DCAF6: variants seen among roughly 807,000 people sequenced by gnomAD.
The protein encoded by DCAF6 is DDB1- and CUL4-associated factor 6.
In DCAF6, 54 loss-of-function variants were observed where a neutral mutation model predicts 125.1. The ratio of observed to expected loss-of-function variants is 0.43; its 90% CI spans 0.35 to 0.54. DCAF6 has a LOEUF of 0.54. Ranked by LOEUF, DCAF6 falls within the 20% of genes least tolerant of loss-of-function variation. The pLI, the probability that DCAF6 is intolerant of heterozygous loss-of-function variation, is 0.01. For missense variants in DCAF6, 934 were observed against 1,161.7 expected (o/e 0.80, Z 2.85); for synonymous variants, 371 against 390.4 (o/e 0.95, Z 0.58).
intron 4 of DCAF6, among the ~76,000 whole-genome samples, chr1:167,983,645 C>T (rs114380644): frequency 0.011 from 1,727 of 152,290 alleles, 38 homozygotes; most frequent in African/African-American, 0.039. Flanking sequence ...TTGGCATGTG[C>T]ACATTCTTAT....
chr1:167,911,890 A>G, the DCAF6 span, among the ~76,000 whole-genome samples: 2 of 152,202 alleles, frequency 1.3e-5, no homozygotes, highest in Non-Finnish European at 2.9e-5. Context: ...ATGATGACCA[A>G]ACAAGGAAAG....
the DCAF6 span, chr1:167,901,862 G>A: frequency 2.5e-6 from 4 of 1,613,384 alleles, no homozygotes; most frequent in African/African-American, 2.7e-5. Context: ...AATCTATTTT[G>A]TATGAGATCT....
intron 16 of DCAF6, among the ~76,000 whole-genome samples, chr1:168,050,415 A>G (rs1461747389): frequency 2.0e-5 from 3 of 152,198 alleles, no homozygotes; most frequent in African/African-American, 4.8e-5. Context: ...GATGTACTCA[A>G]AGAGAAAGAA....
At position 168,044,628 on chromosome 1, in the gene DCAF6, A is replaced by T. The variant is rs540236616; in HGVS notation, c.1887A>T (p.Glu629Asp). Residue 629 changes from glutamate to aspartate, a missense_variant, in exon 15 of 22, where the codon GAA (glutamate) becomes GAT (aspartate). Physicochemically the swap from Glu to Asp is conservative, Grantham distance 45. Coordinates refer to ENST00000367840, the MANE Select transcript of DCAF6 (RefSeq NM_001198956.2). ...ESSEDVTKYQ[E>D]GVSAENPVEN... ...CAGAGGATGTGACAAAATATCAGGA[A>T]GGAGTATCTGCAGAAAACCCAGTTG... The T allele has an allele frequency of 1.9e-6, 3 of 1,613,392 alleles. No homozygotes were observed. The highest frequency in any genetic ancestry group is 1.3e-5 in the African/African-American group (1 of 75,016).
At chr1:168,010,516 T>C (rs920663441) in intron 10 of DCAF6, among the ~76,000 whole-genome samples, 2 of 152,156 alleles carry the variant, frequency 1.3e-5, no homozygotes, top group Admixed American at 1.3e-4. Flanking sequence ...TTCTTGAATT[T>C]TATTTTAATT....
chr1:167,915,743 G>A, the DCAF6 span, among the ~76,000 whole-genome samples: 8 of 152,184 alleles, frequency 5.3e-5, no homozygotes, highest in Admixed American at 1.3e-4. Context: ...GCACCACCGC[G>A]CCTGGCCCGT....
chr1:168,019,475 C>T (rs1249972148), intron 11 of DCAF6: 1 of 427,896 alleles, frequency 2.3e-6, no homozygotes, highest in Non-Finnish European at 4.7e-6. Context: ...AGATGAATGT[C>T]CTAAACAGGT....
chr1:168,032,782 A>G (rs1572023665), intron 12 of DCAF6, among the ~76,000 whole-genome samples: 1 of 152,300 alleles, frequency 6.6e-6, no homozygotes, highest in African/African-American at 2.4e-5. Flanking sequence ...TAAAGTTATA[A>G]TAGGGACCCA....
the DCAF6 span, among the ~76,000 whole-genome samples, chr1:167,869,875 G>A: frequency 6.6e-6 from 1 of 152,126 alleles, no homozygotes; most frequent in African/African-American, 2.4e-5. Context: ...GGTGTCTGAG[G>A]GGTTTTGTCT....
Position 168,072,251 on chromosome 1 carries a change from C to T in DCAF6, c.2792-3120C>T, listed in dbSNP as rs559272020. On this transcript the variant is annotated intron_variant, in intron 21 of 21. Coordinates refer to ENST00000367840, the MANE Select transcript of DCAF6 (RefSeq NM_001198956.2). ...GGTGGAGGTTGTAGTGAGCCGAGAT[C>T]GCACCACTGCACTCCAGCCTGGTGA... 2.1e-4 allele frequency among the ~76,000 whole-genome samples: 25 copies of T among 121,738 alleles called. 1 individual carries two copies. In the South Asian group the frequency reaches 2.5e-3, roughly 12 times the overall value. 79.9% of individuals were successfully genotyped at this position (121,738 alleles called of 152,430 possible).
intron 21 of DCAF6, among the ~76,000 whole-genome samples, chr1:168,072,294 T>TAAAAAAAAAAAAAAAA (rs59674650): frequency 2.2e-4 from 9 of 41,014 alleles, no homozygotes; most frequent in Admixed American, 9.5e-4. Context: ...AGAATCAGTC[T>TAAAAAAAAAAAAAAAA]AAAAAAAAAA....
At chr1:167,939,495 G>A (rs920825111) in intron 1 of DCAF6, among the ~76,000 whole-genome samples, 10 of 152,138 alleles carry the variant, frequency 6.6e-5, no homozygotes, top group African/African-American at 2.2e-4. Context: ...GGGCGCGGTG[G>A]CTTACGCCTG....
chr1:167,930,701 G>A, the DCAF6 span, among the ~76,000 whole-genome samples: 3 of 152,158 alleles, frequency 2.0e-5, no homozygotes, highest in East Asian at 1.9e-4. Flanking sequence ...ATAGAGCAAC[G>A]ACTAGAACAC....
the DCAF6 span, among the ~76,000 whole-genome samples, chr1:167,925,708 G>A: frequency 6.6e-6 from 1 of 150,986 alleles, no homozygotes; most frequent in Non-Finnish European, 1.5e-5. Context: ...CACCACACCC[G>A]GCTAATTTTT....
intron 21 of DCAF6, 28 bp downstream of exon 21, chr1:168,068,491 C>G: frequency 8.6e-7 from 1 of 1,162,136 alleles, no homozygotes; most frequent in South Asian, 2.4e-5. Flanking sequence ...ACTACTAAAA[C>G]CATTTTTATA....
At chr1:167,872,140 G>C in the DCAF6 span, among the ~76,000 whole-genome samples, 1 of 152,080 alleles carries the variant, frequency 6.6e-6, no homozygotes, top group Non-Finnish European at 1.5e-5. Context: ...TCAGGAGTTC[G>C]AGACCAGCCT....
At chr1:168,035,456 A>G (rs1044873564) in intron 12 of DCAF6, among the ~76,000 whole-genome samples, 4 of 152,278 alleles carry the variant, frequency 2.6e-5, no homozygotes, top group African/African-American at 9.6e-5. Context: ...CAAAACAAAA[A>G]CAAAAACAAA....
chr1:167,948,436 A>G (rs1475150666), intron 1 of DCAF6, among the ~76,000 whole-genome samples: 2 of 152,226 alleles, frequency 1.3e-5, no homozygotes, highest in Non-Finnish European at 2.9e-5. Context: ...ACCTAAGTGT[A>G]GTATGTTCAA....
intron 2 of DCAF6, among the ~76,000 whole-genome samples, chr1:167,962,886 C>T (rs887317665): frequency 6.6e-6 from 1 of 152,156 alleles, no homozygotes; most frequent in African/African-American, 2.4e-5. Flanking sequence ...ACCCAGGAGG[C>T]AGAGGGTTGT....
Sources: gnomAD v4.1 joint callset for allele counts (sites outside exome capture counted in the v4.1 genomes callset) on GRCh38, gnomAD v4.1.1 for gene constraint, MANE v1.5 for transcripts, NCBI Gene and HGNC (gene_info 2026-07-23, HGNC 2026-07-21) for gene names.